ABCG2: variants seen among roughly 807,000 people sequenced by gnomAD.
The protein encoded by ABCG2 is broad substrate specificity ATP-binding cassette transporter ABCG2.
Under a neutral mutation model 73.5 loss-of-function variants are expected in ABCG2, and 80 were observed. The ratio of observed to expected loss-of-function variants is 1.09; its 90% CI spans 0.91 to 1.31. The LOEUF (loss-of-function observed/expected upper bound fraction) is 1.31, where lower values mean the gene tolerates loss of function less well. Among genes scored for constraint, ABCG2 ranks in the 50% most tolerant of loss-of-function variants. The pLI, the probability that ABCG2 is intolerant of heterozygous loss-of-function variation, is 0.00. For missense variants in ABCG2, 796 were observed against 786.2 expected, an observed-to-expected ratio of 1.01 and a Z score of -0.15; for synonymous variants, 269 against 282.4, an observed-to-expected ratio of 0.95 and a Z score of 0.48.
chr4:88,188,641 AC>A (rs1236246016), intron 1 of ABCG2, among the ~76,000 whole-genome samples: 1 of 43,464 alleles, frequency 2.3e-5, no homozygotes, highest in Non-Finnish European at 4.2e-5. Context: ...TTCTATTTCT[AC>A]AAAAAAATGG....
chr4:88,170,106 G>A (rs1335305127), intron 1 of ABCG2, among the ~76,000 whole-genome samples: 17 of 126,966 alleles, frequency 1.3e-4, no homozygotes, highest in East Asian at 4.5e-4. Context: ...GTGAGACTCC[G>A]TCTCAAAAAA....
At chr4:88,179,337 G>A (rs1378090077) in intron 1 of ABCG2, among the ~76,000 whole-genome samples, 1 of 152,154 alleles carries the variant, frequency 6.6e-6, no homozygotes, top group African/African-American at 2.4e-5. Context: ...GCCACAGCGC[G>A]ACAGGGCTTG....
At chr4:88,131,658 T>C (rs2110040968) in intron 4 of ABCG2, 145 bp downstream of exon 4, 1 of 618,684 alleles carries the variant, frequency 1.6e-6, no homozygotes, top group Non-Finnish European at 2.8e-6. Context: ...TAAGTGTCTA[T>C]GAGAAATTAA....
chr4:88,132,821 C>T (rs1262622186), intron 2 of ABCG2, among the ~76,000 whole-genome samples, 186 bp from the exon 3 acceptor site: 1 of 152,032 alleles, frequency 6.6e-6, no homozygotes, highest in African/African-American at 2.4e-5. Context: ...CCTGTAATCC[C>T]AGCACTCTGG....
upstream of ABCG2, among the ~76,000 whole-genome samples, chr4:88,162,193 A>C (rs933733429): frequency 1.3e-5 from 2 of 152,150 alleles, no homozygotes; most frequent in Non-Finnish European, 2.9e-5. Flanking sequence ...CTAAAGAAAA[A>C]GAGAAAGAAA....
intron 1 of ABCG2, among the ~76,000 whole-genome samples, chr4:88,164,693 A>T (rs1727445814): frequency 6.6e-6 from 1 of 152,218 alleles, no homozygotes; most frequent in Admixed American, 6.5e-5. Context: ...ATGAGAACAG[A>T]CTAATACAGA....
In ABCG2 at chr4:88,139,974, C is replaced by T. The variant is rs774014561; in HGVS notation, c.22G>A (p.Val8Ile). The change falls in exon 2 of 16, where the codon GTT becomes ATT. Residue 8 changes from valine to isoleucine, a missense_variant. Val to Ile is a conservative substitution (Grantham distance 29). Transcript: ENST00000237612. The part of the protein sequence containing the change: MSSSNVE[V>I]FIPVSQGNTN... The stretch of plus-strand genomic sequence containing the variant: ...TTTCCTTGTGACACTGGGATAAAAA[C>T]TTCGACATTACTGGAAGACATCTGG... The T allele has an allele frequency of 6.2e-7, 1 of 1,614,034 alleles. No homozygotes were observed. Among genetic ancestry groups the T allele is most frequent in the Non-Finnish European group, 8.5e-7 (1 of 1,179,990 alleles).
At chr4:88,213,609 T>A (rs1026873352) in intron 1 of ABCG2, among the ~76,000 whole-genome samples, 1 of 152,084 alleles carries the variant, frequency 6.6e-6, no homozygotes, top group Non-Finnish European at 1.5e-5. Context: ...TATATATATG[T>A]ATATATATGT....
intron 1 of ABCG2, among the ~76,000 whole-genome samples, chr4:88,213,278 A>G (rs952566741): frequency 1.3e-5 from 2 of 152,146 alleles, no homozygotes; most frequent in African/African-American, 4.8e-5. Context: ...CTCATACTGT[A>G]CTTCCCTAGC....
chr4:88,177,964 G>A (rs940491214), intron 1 of ABCG2, among the ~76,000 whole-genome samples: 2 of 152,154 alleles, frequency 1.3e-5, no homozygotes, highest in Admixed American at 1.3e-4. Context: ...GTGCTCTGGG[G>A]TTCTAAATAA....
At position 88,228,592 on chromosome 4, in the gene ABCG2, T is replaced by G. The variant is rs555056012; in HGVS notation, c.-20+2402A>C. Among the ~76,000 whole-genome samples, 119 of 152,314 alleles carry G rather than the reference T, an allele frequency of 7.8e-4. 3 individuals carry two copies. The South Asian group carries it at 0.022, about 29-fold the overall frequency. On this transcript the variant is annotated intron_variant, in intron 1 of 15. Coordinates refer to the ABCG2 transcript ENST00000515655. ...GACCATAGTAGAAGGGAATGTTATT[T>G]GAAACTTAGTTCAAACAGAAGCGAT...
At chr4:88,222,557 A>G (rs1730050355) in intron 1 of ABCG2, among the ~76,000 whole-genome samples, 1 of 152,248 alleles carries the variant, frequency 6.6e-6, no homozygotes, top group Non-Finnish European at 1.5e-5. Context: ...GCCTTCTGCC[A>G]TGATTGAGGC....
At chr4:88,119,694 G>C (rs1331903618) in intron 6 of ABCG2, among the ~76,000 whole-genome samples, 2 of 152,190 alleles carry the variant, frequency 1.3e-5, no homozygotes, top group East Asian at 1.9e-4. Context: ...AGATGATTTA[G>C]AGCATCTGGT....
rs1332477328 is a variant in ABCG2, at chr4:88,114,996, A to G, written c.904T>C (p.Ser302Pro). The change falls in exon 8 of 16, where the codon TCC becomes CCC. Residue 302 changes from serine to proline, a missense_variant. Ser to Pro is a moderately conservative substitution (Grantham distance 74, BLOSUM62 -1). Transcript: ENST00000237612. Reference protein sequence around the residue: ...DFFLDIINGDSTAVALNREED... With the variant: ...DFFLDIINGDPTAVALNREED... ...TCTCTGTTTAATGCCACAGCAGTGG[A>G]ATCTCCATTAATGATGTCCAAGAAG... 6.2e-7 allele frequency: 1 copy of G among 1,612,926 alleles called. No individual in the cohort carries two copies.
intron 1 of ABCG2, among the ~76,000 whole-genome samples, chr4:88,209,164 G>A (rs185339581): frequency 6.7e-6 from 1 of 150,066 alleles, no homozygotes; most frequent in Non-Finnish European, 1.5e-5. Context: ...ACAAAAATTA[G>A]CTAAGTGTGG....
intron 1 of ABCG2, among the ~76,000 whole-genome samples, chr4:88,230,134 A>G (rs963838572): frequency 2.7e-5 from 4 of 149,786 alleles, no homozygotes; most frequent in Admixed American, 1.3e-4. Context: ...CTGGGATTAC[A>G]GGCGTGTGAC....
chr4:88,205,305 A>G (rs1222992279), intron 1 of ABCG2, among the ~76,000 whole-genome samples: 2 of 152,214 alleles, frequency 1.3e-5, no homozygotes, highest in Non-Finnish European at 2.9e-5. Context: ...GGACAGTCTT[A>G]ATCTTAATCT....
chr4:88,133,168 T>C (rs551537487), intron 2 of ABCG2, among the ~76,000 whole-genome samples: 3 of 152,332 alleles, frequency 2.0e-5, no homozygotes, highest in Non-Finnish European at 2.9e-5. Context: ...CTGAGTACTG[T>C]TTGATGATCA....
At chr4:88,222,899 G>A (rs185892918) in intron 1 of ABCG2, among the ~76,000 whole-genome samples, 1 of 152,340 alleles carries the variant, frequency 6.6e-6, no homozygotes, top group East Asian at 1.9e-4. Flanking sequence ...AGGAAGAGCT[G>A]CCCAAGGCCA....
Sources: allele counts gnomAD v4.1 joint callset (sites outside exome capture counted in the v4.1 genomes callset), GRCh38; gene constraint gnomAD v4.1.1; transcripts MANE v1.5; gene names NCBI Gene and HGNC (gene_info 2026-07-23, HGNC 2026-07-21).